The following ZFAND3 variants were observed in gnomAD, a reference collection of about 807,000 sequenced individuals.
ZFAND3 encodes the protein AN1-type zinc finger protein 3.
Under a neutral mutation model 29.6 loss-of-function variants are expected in ZFAND3, and 10 were observed. That is an observed-to-expected ratio of 0.34 (90% CI 0.21 to 0.57). The LOEUF (loss-of-function observed/expected upper bound fraction) is 0.57. Ranked by LOEUF, ZFAND3 falls within the 20% of genes least tolerant of loss-of-function variation. ZFAND3 has a pLI of 0.86. For missense variants in ZFAND3, 230 were observed against 304.5 expected (o/e 0.76, Z 1.82); for synonymous variants, 128 against 112.6 (o/e 1.14, Z -0.87).
chr6:37,982,631 A>G (rs147462033), intron 2 of ZFAND3, among the ~76,000 whole-genome samples: 1 of 152,352 alleles, frequency 6.6e-6, no homozygotes, highest in Non-Finnish European at 1.5e-5. Context: ...GTTGTATAAA[A>G]GTATAGCCAG....
chr6:37,868,992 TTAG>T (rs1406706959), intron 1 of ZFAND3, among the ~76,000 whole-genome samples: 2 of 152,224 alleles, frequency 1.3e-5, no homozygotes, highest in Non-Finnish European at 2.9e-5. Context: ...ACAAATTCAG[TTAG>T]TAGAGTTAGG....
intron 2 of ZFAND3, among the ~76,000 whole-genome samples, chr6:37,955,939 G>A (rs1762079304): frequency 6.6e-6 from 1 of 152,164 alleles, no homozygotes; most frequent in Non-Finnish European, 1.5e-5. Context: ...AACAGAATAA[G>A]AAAATTGGTT....
chr6:38,007,807 C>T (rs1763077408), intron 2 of ZFAND3, among the ~76,000 whole-genome samples: 1 of 152,130 alleles, frequency 6.6e-6, no homozygotes, highest in Admixed American at 6.5e-5. Context: ...GAAAGCAACC[C>T]ACATCAGTTT....
Position 37,896,336 on chromosome 6 carries a change from T to C in ZFAND3, c.72-33623T>C, listed in dbSNP as rs1006834596. Among the ~76,000 whole-genome samples the C allele has an allele frequency of 2.0e-5, 3 of 152,142 alleles. No individual in the cohort carries two copies. The South Asian group carries it at 6.2e-4, about 31-fold the overall frequency. ...TCAAGTTTTTTTCTCCTTTATTTTG[T>C]TAATGTGGCCTATTACATAAATGTT... On this transcript the variant is annotated intron_variant, in intron 1 of 5. Coordinates refer to ENST00000287218, the MANE Select transcript of ZFAND3 (RefSeq NM_021943.3).
At chr6:37,962,436 T>C (rs1278260464) in intron 2 of ZFAND3, among the ~76,000 whole-genome samples, 2 of 152,180 alleles carry the variant, frequency 1.3e-5, no homozygotes, top group African/African-American at 4.8e-5. Context: ...TTTATTCAAA[T>C]GGCAGGAAAC....
At chr6:38,059,300 G>A (rs1764191181) in intron 2 of ZFAND3, among the ~76,000 whole-genome samples, 1 of 152,060 alleles carries the variant, frequency 6.6e-6, no homozygotes, top group African/African-American at 2.4e-5. Flanking sequence ...TAAACAATAT[G>A]CGGTATTCTT....
chr6:38,079,324 A>AT (rs1225492315), intron 3 of ZFAND3, among the ~76,000 whole-genome samples: 1 of 152,190 alleles, frequency 6.6e-6, no homozygotes, highest in African/African-American at 2.4e-5. Context: ...TTACTGTAAT[A>AT]TAGTGAATAC....
intron 2 of ZFAND3, among the ~76,000 whole-genome samples, chr6:38,015,280 G>A (rs1029562837): frequency 6.6e-6 from 1 of 152,144 alleles, no homozygotes; most frequent in African/African-American, 2.4e-5. Context: ...ACAAAAATGA[G>A]GTAATTTCAC....
intron 3 of ZFAND3, among the ~76,000 whole-genome samples, chr6:38,064,208 T>C (rs1304012664): frequency 2.0e-5 from 3 of 152,222 alleles, no homozygotes; most frequent in Admixed American, 1.3e-4. Flanking sequence ...GGAAACTGGA[T>C]TGGATTCGTG....
intron 4 of ZFAND3, among the ~76,000 whole-genome samples, chr6:38,114,332 T>C (rs1414426562): frequency 6.6e-6 from 1 of 152,252 alleles, no homozygotes; most frequent in African/African-American, 2.4e-5. Flanking sequence ...GACTGCTTTG[T>C]AATGATTTAT....
chr6:37,935,683 G>T (rs1761685791), intron 2 of ZFAND3, among the ~76,000 whole-genome samples: 1 of 152,188 alleles, frequency 6.6e-6, no homozygotes, highest in Non-Finnish European at 1.5e-5. Flanking sequence ...GTAAATATGT[G>T]TATATTACTA....
In ZFAND3 at chr6:38,152,663, A is replaced by G; in HGVS notation, c.*274A>G. 8.7e-7 allele frequency: 1 copy of G among 1,147,850 alleles called. No homozygotes were observed. Among genetic ancestry groups the G allele is most frequent in the African/African-American group, 1.6e-5 (1 of 62,600 alleles). The allele number at this position is 1,147,850 out of a possible 1,614,324, so 71.1% of individuals were successfully genotyped here. A position where few individuals can be genotyped will look rare whatever the true frequency, so the allele number is the denominator to read the frequency against. ...GAGCATGGCTAGTGGATTTAAAACA[A>G]CACATACCTGTCACTGCTGGAGTCA... On this transcript the variant is annotated 3_prime_UTR_variant, in exon 6 of 6. Transcript: ENST00000287218.
chr6:38,109,986 C>A (rs1765282900), intron 4 of ZFAND3, among the ~76,000 whole-genome samples: 1 of 152,132 alleles, frequency 6.6e-6, no homozygotes, highest in African/African-American at 2.4e-5. Flanking sequence ...TCAGCCATTC[C>A]AGATTTCCCA....
At chr6:38,114,777 A>T (rs182301050) in intron 4 of ZFAND3, among the ~76,000 whole-genome samples, 1 of 152,204 alleles carries the variant, frequency 6.6e-6, no homozygotes, top group Non-Finnish European at 1.5e-5. Flanking sequence ...GTGGCTTCTC[A>T]CTAGAGCCAC....
At chr6:37,870,355 A>G (rs1451587402) in intron 1 of ZFAND3, among the ~76,000 whole-genome samples, 1 of 148,484 alleles carries the variant, frequency 6.7e-6, no homozygotes, top group Non-Finnish European at 1.5e-5. Flanking sequence ...TAATCCCAGC[A>G]CTTTGGGAGG....
At chr6:37,983,563 T>C (rs1762615965) in intron 2 of ZFAND3, among the ~76,000 whole-genome samples, 2 of 152,112 alleles carry the variant, frequency 1.3e-5, no homozygotes, top group South Asian at 4.1e-4. Context: ...TCCTCCATGT[T>C]GGTCAGGCTG....
chr6:37,920,771 A>T (rs1047169566), intron 1 of ZFAND3, among the ~76,000 whole-genome samples: 14 of 152,182 alleles, frequency 9.2e-5, no homozygotes, highest in African/African-American at 3.4e-4. Flanking sequence ...ATTTAGAGTG[A>T]TGTGTAACAG....
At chr6:38,051,490 G>A (rs182517125) in intron 2 of ZFAND3, among the ~76,000 whole-genome samples, 2 of 152,316 alleles carry the variant, frequency 1.3e-5, no homozygotes, top group East Asian at 3.9e-4. Context: ...CCACTTCTGT[G>A]CCATTGGAGT....
chr6:38,094,159 A>G (rs567893982), intron 4 of ZFAND3, among the ~76,000 whole-genome samples: 3 of 152,162 alleles, frequency 2.0e-5, no homozygotes, highest in Non-Finnish European at 4.4e-5. Context: ...AAATAATACC[A>G]TAAGTTGTAA....
Sources: allele counts gnomAD v4.1 joint callset (sites outside exome capture counted in the v4.1 genomes callset), GRCh38; gene constraint gnomAD v4.1.1; transcripts MANE v1.5; gene names NCBI Gene and HGNC (gene_info 2026-07-23, HGNC 2026-07-21).